The following CEP295 variants were observed in gnomAD, a reference collection of about 807,000 sequenced individuals.
CEP295 encodes centrosomal protein of 295 kDa.
A neutral mutation model predicts 291.6 loss-of-function variants in CEP295; 190 were observed. The ratio of observed to expected loss-of-function variants is 0.65; its 90% confidence interval spans 0.58 to 0.73. The LOEUF (loss-of-function observed/expected upper bound fraction) is 0.73. Among genes scored for constraint, CEP295 ranks in the 30% least tolerant of loss-of-function variants. The pLI, the probability that CEP295 is intolerant of heterozygous loss-of-function variation, is 0.00. For synonymous variants in CEP295, 993 were observed against 1,038.8 expected (o/e 0.96, Z 0.85); for missense variants, 2,863 against 2,949.4 (o/e 0.97, Z 0.68).
At chr11:93,712,781 G>T (rs567931863) in intron 18 of CEP295, among the ~76,000 whole-genome samples, 2 of 151,870 alleles carry the variant, frequency 1.3e-5, no homozygotes, top group East Asian at 3.9e-4. Flanking sequence ...GATAAGTAAT[G>T]ATTTACTCTT....
intron 10 of CEP295, among the ~76,000 whole-genome samples, chr11:93,688,666 G>A (rs919703834): frequency 6.6e-6 from 1 of 152,062 alleles, no homozygotes; most frequent in Non-Finnish European, 1.5e-5. Context: ...TCGTTGGTTA[G>A]TCTACAGCTC....
chr11:93,681,375 T>C (rs1950951102), intron 7 of CEP295, among the ~76,000 whole-genome samples: 1 of 141,194 alleles, frequency 7.1e-6, no homozygotes, highest in East Asian at 2.2e-4. Context: ...TAGCTGGGAC[T>C]ACAGGCTCGC....
Position 93,699,470 on chromosome 11 carries a change from C to A in CEP295, c.4558C>A (p.Arg1520=), listed in dbSNP as rs774715645. 3 of 1,551,566 alleles carry A rather than the reference C, an allele frequency of 1.9e-6. No homozygotes were observed. The highest frequency in any genetic ancestry group is 3.9e-5 in the Admixed American group (2 of 50,970). ...QQLDTQKKAI[R]SIQEVQEELL... is the part of the protein sequence containing the mutation. The stretch of plus-strand genomic sequence containing the variant: ...GTTAGATACACAGAAGAAAGCCATT[C>A]GATCTATACAGGAAGTCCAAGAAGA... Residue 1520 remains arginine, a synonymous_variant, in exon 15 of 30, where the codon CGA becomes AGA. Coordinates refer to ENST00000325212, the MANE Select transcript of CEP295 (RefSeq NM_033395.2).
rs141960348 is a variant in CEP295, at chr11:93,689,654, C to T, written c.1336+1789C>T. ...TTTACTTCCTATCCCCTTTACCCTG[C>T]TTTCCCCCCATAGCTCTTATCAATA... is the stretch of plus-strand genomic sequence containing the variant. On this transcript the variant is annotated intron_variant, in intron 10 of 29. Coordinates refer to ENST00000325212, the MANE Select transcript of CEP295 (RefSeq NM_033395.2). Among the ~76,000 whole-genome samples, 720 of 152,214 alleles carry T rather than the reference C, an allele frequency of 4.7e-3. 5 individuals carry two copies. Among genetic ancestry groups the T allele is most frequent in the Admixed American group, 7.9e-3 (121 of 15,290 alleles).
intron 8 of CEP295, 103 bp from the exon 9 acceptor site, chr11:93,683,861 C>A: frequency 1.4e-5 from 20 of 1,417,134 alleles, no homozygotes; most frequent in Non-Finnish European, 1.8e-5. Context: ...AGGAGGCCCC[C>A]CATATTTTAG....
chr11:93,706,064 A>G (rs532365622), intron 17 of CEP295, among the ~76,000 whole-genome samples: 1 of 152,244 alleles, frequency 6.6e-6, no homozygotes, highest in African/African-American at 2.4e-5. Flanking sequence ...CCTGGACCCC[A>G]GAGTGTATCA....
At chr11:93,711,868 A>C (rs1366217912) in intron 18 of CEP295, among the ~76,000 whole-genome samples, 1 of 151,936 alleles carries the variant, frequency 6.6e-6, no homozygotes, top group African/African-American at 2.4e-5. Flanking sequence ...TTGTGGCCTA[A>C]CATGTGGTCT....
Position 93,727,393 on chromosome 11 carries a change from C to G in CEP295, c.6917C>G (p.Thr2306Ser). ...QGLIEDNKNE[T>S]CRVLDINPQV... is the part of the protein sequence containing the mutation. ...CTCATTGAAGATAATAAAAATGAAACCTGTAGGGTTTTAGACATAAATCCA... is the reference window on the plus strand; with the variant it reads ...CTCATTGAAGATAATAAAAATGAAAGCTGTAGGGTTTTAGACATAAATCCA... Residue 2306 changes from threonine (T) to serine (S), a missense_variant, in exon 24 of 30, where the codon ACC becomes AGC. Transcript: ENST00000325212. 2 of 1,551,558 alleles carry G rather than the reference C, an allele frequency of 1.3e-6. No homozygotes were observed. Among genetic ancestry groups the G allele is most frequent in the Middle Eastern group, 1.7e-4 (1 of 5,990 alleles).
chr11:93,699,075 C>G lies in CEP295; in HGVS notation c.4163C>G (p.Ser1388Cys), dbSNP rs1952000412. Reference protein sequence around the residue: ...LHQSEWEGRISPEQVDTSSLP... With the variant: ...LHQSEWEGRICPEQVDTSSLP... ...CAGAGTGAATGGGAGGGAAGAATAT[C>G]TCCCGAGCAGGTTGACACCTCTTCC... is the stretch of plus-strand genomic sequence containing the variant. The change falls in exon 15 of 30, where the codon TCT becomes TGT. Residue 1388 changes from serine (S) to cysteine (C), a missense_variant. By Grantham distance (112) the Ser-to-Cys change is moderately radical. Around this residue, in one of 3 missense-constraint regions of CEP295, gnomAD observed 2,295 missense variants for 2,335.7 expected, o/e 0.98. Coordinates refer to ENST00000325212, the MANE Select transcript of CEP295 (RefSeq NM_033395.2). 6.5e-7 allele frequency: 1 copy of G among 1,546,466 alleles called. No homozygotes were observed. The highest frequency in any genetic ancestry group is 2.0e-5 in the Admixed American group (1 of 50,992).
intron 6 of CEP295, among the ~76,000 whole-genome samples, chr11:93,678,531 A>G (rs1330286076): frequency 6.6e-6 from 1 of 152,206 alleles, no homozygotes; most frequent in Non-Finnish European, 1.5e-5. Context: ...AATTGTTTCA[A>G]CTGGCTGGCA....
At position 93,691,662 on chromosome 11, in the gene CEP295, CA is replaced by C; in HGVS notation, c.1337-20del. On this transcript the variant is annotated intron_variant, in intron 10 of 29. Coordinates refer to ENST00000325212, the MANE Select transcript of CEP295 (RefSeq NM_033395.2). ...GACAATGATTATATATTCAAAATAA[CA>C]GTGGTATTATCTATTACAGTTGTTG... 2.2e-6 allele frequency: 3 copies of C among 1,392,496 alleles called. No individual in the cohort carries two copies. The highest frequency in any genetic ancestry group is 3.0e-6 in the Non-Finnish European group (3 of 1,010,598). The allele number at this position is 1,392,496 out of a possible 1,614,324, so 86.3% of individuals were successfully genotyped here.
chr11:93,666,396 C>G (rs1950208509), intron 1 of CEP295, among the ~76,000 whole-genome samples: 2 of 152,110 alleles, frequency 1.3e-5, no homozygotes, highest in South Asian at 4.1e-4. Flanking sequence ...GAGTTCGAGA[C>G]CAGCCTGGCC....
intron 18 of CEP295, among the ~76,000 whole-genome samples, chr11:93,709,428 C>T (rs1206580641): frequency 3.9e-5 from 6 of 152,274 alleles, no homozygotes; most frequent in Non-Finnish European, 1.5e-5. Context: ...ACGTTCTTGG[C>T]ACCTTTCTCA....
In CEP295 at chr11:93,697,861, T is replaced by A. The variant is rs1406549959; in HGVS notation, c.2949T>A (p.Asp983Glu). 2 of 1,551,700 alleles carry A rather than the reference T, an allele frequency of 1.3e-6. No individual in the cohort carries two copies. The highest frequency in any genetic ancestry group is 8.7e-7 in the Non-Finnish European group (1 of 1,146,978). The change falls in exon 15 of 30, where the codon GAT becomes GAA. Residue 983 changes from aspartate to glutamate, a missense_variant. By Grantham distance (45) the Asp-to-Glu change is conservative. Around this residue, in one of 3 missense-constraint regions of CEP295, gnomAD observed 2,295 missense variants for 2,335.7 expected, o/e 0.98. Coordinates refer to ENST00000325212, the MANE Select transcript of CEP295 (RefSeq NM_033395.2). ...ATGTACATAAACAGAGTGAATTGGA[T>A]AGAAGAGTATGTTCCGAACAGGCTG... The part of the protein sequence containing the change: ...VLYVHKQSEL[D>E]RRVCSEQAEP...
chr11:93,669,640 C>T, intron 4 of CEP295, 37 bp from the exon 5 acceptor site: 1 of 1,306,998 alleles, frequency 7.7e-7, no homozygotes, highest in Non-Finnish European at 1.1e-6. Flanking sequence ...AATATTATCA[C>T]TGAGAGATTA....
At chr11:93,712,599 T>C (rs1952980219) in intron 18 of CEP295, among the ~76,000 whole-genome samples, 1 of 152,186 alleles carries the variant, frequency 6.6e-6, no homozygotes, top group Admixed American at 6.5e-5. Context: ...TTGCTGTTTT[T>C]TGTTTTCCAT....
At chr11:93,724,067 G>A (rs1490122471) in intron 21 of CEP295, 187 bp from the exon 22 acceptor site, 6 of 514,246 alleles carry the variant, frequency 1.2e-5, no homozygotes, top group Non-Finnish European at 2.0e-5. Flanking sequence ...AAATAATCAT[G>A]ATAGGACTTA....
At position 93,703,527 on chromosome 11, in the gene CEP295, T is replaced by G. The variant is rs1450208507; in HGVS notation, c.5596+608T>G. 3.3e-5 allele frequency among the ~76,000 whole-genome samples: 5 copies of G among 152,056 alleles called. No individual in the cohort carries two copies. The East Asian group carries it at 7.7e-4, about 23-fold the overall frequency. ...TCTTCTGACAGTCTTGCTCCCCGTTTCCTTTCATGTCTGCCTTCTAAATGT... is the reference window on the plus strand; with the variant it reads ...TCTTCTGACAGTCTTGCTCCCCGTTGCCTTTCATGTCTGCCTTCTAAATGT... On this transcript the variant is annotated intron_variant, in intron 17 of 29. Transcript: ENST00000325212.
intron 18 of CEP295, among the ~76,000 whole-genome samples, chr11:93,719,347 C>T (rs1045866034): frequency 6.6e-6 from 1 of 150,376 alleles, no homozygotes; most frequent in Non-Finnish European, 1.5e-5. Context: ...AGCTCATTCA[C>T]AATCCAAAAT....
Sources: gnomAD v4.1 joint callset for allele counts (sites outside exome capture counted in the v4.1 genomes callset) on GRCh38, gnomAD v4.1.1 for gene constraint, gnomAD v4.1.1 regional missense constraint, MANE v1.5 for transcripts, NCBI Gene and HGNC (gene_info 2026-07-23, HGNC 2026-07-21) for gene names.